Variants in CERKL observed in about 807,000 individuals in gnomAD.
The protein encoded by CERKL is ceramide kinase-like protein.
Under a neutral mutation model 63.4 loss-of-function variants are expected in CERKL, and 61 were observed. The ratio of observed to expected loss-of-function variants is 0.96; its 90% CI spans 0.78 to 1.19. CERKL has a LOEUF of 1.19. Among genes scored for constraint, CERKL ranks in the 50% most tolerant of loss-of-function variants. CERKL has a pLI of 0.00. For synonymous variants in CERKL, 250 were observed against 230.5 expected, an observed-to-expected ratio of 1.08 and a Z score of -0.77; for missense variants, 675 against 655.5, an observed-to-expected ratio of 1.03 and a Z score of -0.33.
At chr2:181,544,500 A>T (rs1687639353) in intron 11 of CERKL, among the ~76,000 whole-genome samples, 200 bp downstream of exon 11, 1 of 149,428 alleles carries the variant, frequency 6.7e-6, no homozygotes, top group African/African-American at 2.4e-5. Flanking sequence ...CTAATTCATC[A>T]TTCAAAAAAG....
chr2:181,614,774 A>T (rs987738305), intron 1 of CERKL, among the ~76,000 whole-genome samples: 2 of 152,200 alleles, frequency 1.3e-5, no homozygotes, highest in African/African-American at 4.8e-5. Flanking sequence ...AAATCACCAC[A>T]TACTTTGGGG....
At chr2:181,614,404 G>GA (rs1368044884) in intron 1 of CERKL, among the ~76,000 whole-genome samples, 7 of 152,228 alleles carry the variant, frequency 4.6e-5, no homozygotes, top group African/African-American at 1.4e-4. Flanking sequence ...CATACTGAGA[G>GA]AAAAAACTGT....
In CERKL at chr2:181,634,007, T is replaced by C. The variant is rs990763556; in HGVS notation, c.238+22762A>G. Among the ~76,000 whole-genome samples, 8 of 152,130 alleles carry C rather than the reference T, an allele frequency of 5.3e-5. No individual in the cohort carries two copies. The South Asian group carries it at 8.3e-4, about 16-fold the overall frequency. ...ACTTAAGATTTTGGAACCTAAAGGATCCATTAAAAGGGCACTTTTCAATTT... is the reference window on the plus strand; with the variant it reads ...ACTTAAGATTTTGGAACCTAAAGGACCCATTAAAAGGGCACTTTTCAATTT... On this transcript the variant is annotated intron_variant, in intron 1 of 12. Coordinates refer to ENST00000410087, the MANE Select transcript of CERKL (RefSeq NM_201548.5).
chr2:181,544,629 C>T, intron 11 of CERKL, 71 bp downstream of exon 11: 1 of 858,588 alleles, frequency 1.2e-6, no homozygotes, highest in Non-Finnish European at 1.9e-6. Flanking sequence ...GATTCGATGT[C>T]AATTCTTGCA....
intron 2 of CERKL, among the ~76,000 whole-genome samples, chr2:181,603,278 A>C (rs1412840537): frequency 6.6e-6 from 1 of 152,208 alleles, no homozygotes; most frequent in Non-Finnish European, 1.5e-5. Context: ...TTCAAAAAAG[A>C]CATTAATAGA....
At chr2:181,549,111 C>T (rs534011494) in intron 6 of CERKL, among the ~76,000 whole-genome samples, 11 of 152,130 alleles carry the variant, frequency 7.2e-5, no homozygotes, top group Non-Finnish European at 1.3e-4. Context: ...AAAACATGGT[C>T]AAAGAAACGA....
intron 2 of CERKL, among the ~76,000 whole-genome samples, chr2:181,592,348 A>C (rs1193128799): frequency 6.6e-6 from 1 of 152,222 alleles, no homozygotes; most frequent in Non-Finnish European, 1.5e-5. Context: ...CAACTATATA[A>C]CTAATATGAG....
intron 2 of CERKL, among the ~76,000 whole-genome samples, chr2:181,590,964 A>G (rs900057805): frequency 1.3e-5 from 2 of 152,190 alleles, no homozygotes; most frequent in Non-Finnish European, 2.9e-5. Flanking sequence ...AGTTTACTGC[A>G]GCATTATTAG....
At chr2:181,586,296 T>C (rs1381192600) in intron 2 of CERKL, among the ~76,000 whole-genome samples, 1 of 152,182 alleles carries the variant, frequency 6.6e-6, no homozygotes, top group Non-Finnish European at 1.5e-5. Flanking sequence ...GTAAAGTCAT[T>C]AGGTACAAAT....
chr2:181,536,778 GT>G lies in CERKL; in HGVS notation c.*1405del. On this transcript the variant is annotated 3_prime_UTR_variant, in exon 13 of 13. Transcript: ENST00000410087. ...AATTTCTTTAAATACAATCATTTTT[GT>G]AATATTTATTTTATGCTTATGATCT... 4.1e-6 allele frequency: 1 copy of G among 246,286 alleles called. No individual in the cohort carries two copies. Among genetic ancestry groups the G allele is most frequent in the Non-Finnish European group, 8.2e-6 (1 of 122,356 alleles). The allele number at this position is 246,286 out of a possible 1,614,324, so 15.3% of individuals were successfully genotyped here.
chr2:181,608,047 GGAGTGGTTATT>G (rs772184552), intron 1 of CERKL, among the ~76,000 whole-genome samples: 16 of 152,054 alleles, frequency 1.1e-4, no homozygotes, highest in Non-Finnish European at 2.4e-4. Context: ...AGTCTAGAAT[GGAGTGGTTATT>G]CACAGGTGTG....
At chr2:181,623,046 G>A (rs1367850249) in intron 1 of CERKL, among the ~76,000 whole-genome samples, 1 of 152,162 alleles carries the variant, frequency 6.6e-6, no homozygotes, top group Admixed American at 6.5e-5. Context: ...GTTCCTCTAT[G>A]TAAGGAAAGT....
At position 181,549,701 on chromosome 2, in the gene CERKL, G is replaced by C. The variant is rs1444861315; in HGVS notation, c.828C>G (p.Thr276=). 1.1e-5 allele frequency: 18 copies of C among 1,610,392 alleles called. No individual in the cohort carries two copies. The highest frequency in any genetic ancestry group is 1.5e-5 in the Non-Finnish European group (18 of 1,176,952). The change falls in exon 6 of 13, where the codon ACC becomes ACG. Residue 276 remains threonine (T), a synonymous_variant. Transcript: ENST00000410087. ...LPLGLIPAGS[T]NVLAHSLHGV... ...CATGAAGAGAATGTGCCAATACATT[G>C]GTAGATCCTGCCAAAGCAATTTTAA...
chr2:181,543,983 C>CAAAA (rs11450338), intron 11 of CERKL, among the ~76,000 whole-genome samples: 67 of 118,158 alleles, frequency 5.7e-4, no homozygotes, highest in Admixed American at 1.2e-3. Context: ...GGCTCTAACT[C>CAAAA]AAAAAAAAAA....
At position 181,537,054 on chromosome 2, in the gene CERKL, G is replaced by T; in HGVS notation, c.*1130C>A. ...TGCGAAGGCATTTGAGTAGTGAAAT[G>T]TAAGCACAAAACCTCCTGAACCCAG... On this transcript the variant is annotated 3_prime_UTR_variant, in exon 13 of 13. Coordinates refer to ENST00000410087, the MANE Select transcript of CERKL (RefSeq NM_201548.5). The T allele has an allele frequency of 2.2e-6, 1 of 444,712 alleles. No homozygotes were observed. The highest frequency in any genetic ancestry group is 4.5e-6 in the Non-Finnish European group (1 of 221,726). The allele number at this position is 444,712 out of a possible 1,614,324, so 27.5% of individuals were successfully genotyped here.
At chr2:181,563,638 C>T (rs1688538301) in intron 4 of CERKL, among the ~76,000 whole-genome samples, 1 of 151,400 alleles carries the variant, frequency 6.6e-6, no homozygotes, top group Non-Finnish European at 1.5e-5. Context: ...CTATAAATTT[C>T]CCCCAAAATT....
At chr2:181,602,511 T>C (rs1307387602) in intron 2 of CERKL, among the ~76,000 whole-genome samples, 1 of 152,256 alleles carries the variant, frequency 6.6e-6, no homozygotes, top group East Asian at 1.9e-4. Flanking sequence ...CTACAGCCTC[T>C]GTGGGTTCTT....
In CERKL at chr2:181,629,737, A is replaced by G. The variant is rs185033065; in HGVS notation, c.239-25658T>C. 3.9e-5 allele frequency among the ~76,000 whole-genome samples: 6 copies of G among 152,062 alleles called. No individual in the cohort carries two copies. In the East Asian group the frequency reaches 1.2e-3, roughly 29 times the overall value. ...ATTCAGATGTATTTCACTATCTTTG[A>G]GGGCTACTATTTCTCCTGTCCATAT... is the stretch of plus-strand genomic sequence containing the variant. On this transcript the variant is annotated intron_variant, in intron 1 of 12. Coordinates refer to ENST00000410087, the MANE Select transcript of CERKL (RefSeq NM_201548.5).
intron 2 of CERKL, among the ~76,000 whole-genome samples, chr2:181,581,097 C>T (rs1684488252): frequency 1.3e-5 from 2 of 152,152 alleles, no homozygotes; most frequent in South Asian, 4.1e-4. Context: ...ACTATTTCTC[C>T]CAATAATCAA....
Sources: gnomAD v4.1 joint callset for allele counts (sites outside exome capture counted in the v4.1 genomes callset) on GRCh38, gnomAD v4.1.1 for gene constraint, MANE v1.5 for transcripts, NCBI Gene and HGNC (gene_info 2026-07-23, HGNC 2026-07-21) for gene names.